Variants in ANGPT4 observed in about 807,000 individuals in gnomAD.
ANGPT4 encodes the protein angiopoietin-4.
A neutral mutation model predicts 53.0 loss-of-function variants in ANGPT4; 50 were observed. That is an observed-to-expected ratio of 0.94 (90% CI 0.75 to 1.20). ANGPT4 has a LOEUF of 1.20. Ranked by LOEUF, ANGPT4 falls within the 50% of genes most tolerant of loss-of-function variation. ANGPT4 has a pLI of 0.00. For missense variants in ANGPT4, 648 were observed against 637.1 expected (o/e 1.02, Z -0.18); for synonymous variants, 251 against 259.7 (o/e 0.97, Z 0.32).
At chr20:910,488 C>T (rs1982654153) in intron 1 of ANGPT4, among the ~76,000 whole-genome samples, 1 of 152,188 alleles carries the variant, frequency 6.6e-6, no homozygotes, top group Non-Finnish European at 1.5e-5. Flanking sequence ...CAACTTGGTC[C>T]TCCCCAGACC....
chr20:888,029 T>A (rs1280395219), intron 3 of ANGPT4, among the ~76,000 whole-genome samples: 1 of 151,994 alleles, frequency 6.6e-6, no homozygotes, highest in African/African-American at 2.4e-5. Flanking sequence ...CCGTATCCAC[T>A]CTCATTTCCA....
At chr20:903,704 G>A (rs1982371577) in intron 1 of ANGPT4, among the ~76,000 whole-genome samples, 1 of 152,228 alleles carries the variant, frequency 6.6e-6, no homozygotes, top group South Asian at 2.1e-4. Context: ...GGGATGGTGT[G>A]GGAATTGGGA....
At chr20:893,547 G>A (rs547528688) in intron 1 of ANGPT4, among the ~76,000 whole-genome samples, 4 of 152,246 alleles carry the variant, frequency 2.6e-5, no homozygotes, top group South Asian at 2.1e-4. Flanking sequence ...GGCTGAGATC[G>A]GTCTTTGGAC....
intron 2 of ANGPT4, among the ~76,000 whole-genome samples, chr20:888,825 A>T (rs992518410): frequency 6.6e-6 from 1 of 151,646 alleles, no homozygotes; most frequent in Admixed American, 6.6e-5. Flanking sequence ...TCTATTCTCT[A>T]CTCAGTAGCC....
chr20:885,636 G>C (rs1189478040), intron 3 of ANGPT4, among the ~76,000 whole-genome samples: 2 of 152,180 alleles, frequency 1.3e-5, no homozygotes, highest in African/African-American at 4.8e-5. Flanking sequence ...TTATCCTCTA[G>C]GGAGCATGGT....
At chr20:894,159 C>T (rs1025115780) in intron 1 of ANGPT4, among the ~76,000 whole-genome samples, 2 of 152,150 alleles carry the variant, frequency 1.3e-5, no homozygotes, top group Admixed American at 1.3e-4. Flanking sequence ...TATTTCTTTA[C>T]CTCCCATTTT....
intron 1 of ANGPT4, 81 bp downstream of exon 1, chr20:915,825 C>T (rs1032946045): frequency 1.3e-6 from 2 of 1,484,288 alleles, no homozygotes; most frequent in African/African-American, 2.8e-5. Flanking sequence ...GGGAAGGCCT[C>T]TTGGATGGAC....
In ANGPT4 at chr20:911,695, G is replaced by A. The variant is rs956900456; in HGVS notation, c.309+4211C>T. ...CTGACCACAGTGGCTCGTGTCCGCCGTCCCAGCTACTTGGAAGACTGAGGC... is the reference window on the plus strand; with the variant it reads ...CTGACCACAGTGGCTCGTGTCCGCCATCCCAGCTACTTGGAAGACTGAGGC... On this transcript the variant is annotated intron_variant, in intron 1 of 8. Coordinates refer to ENST00000381922, the MANE Select transcript of ANGPT4 (RefSeq NM_015985.4). This position sits in a 1 kb window ranked among gnomAD's most constrained non-coding sequence, Gnocchi z 4.9. Among the ~76,000 whole-genome samples, 2 of 152,086 alleles carry A rather than the reference G, an allele frequency of 1.3e-5. No homozygotes were observed. The highest frequency in any genetic ancestry group is 2.4e-5 in the African/African-American group (1 of 41,420).
rs1008352804 is a variant in ANGPT4, at chr20:872,867, G to C, written c.*93C>G. Reference sequence around the variant, plus strand: ...GGAAGCCCAGGGTGTCAGGGAAGGCGGTGGCACAGTGTCTTGCATCTGGGT... The same window carrying C: ...GGAAGCCCAGGGTGTCAGGGAAGGCCGTGGCACAGTGTCTTGCATCTGGGT... On this transcript the variant is annotated 3_prime_UTR_variant, in exon 9 of 9. Coordinates refer to ENST00000381922, the MANE Select transcript of ANGPT4 (RefSeq NM_015985.4). 1 of 1,507,878 alleles carries C rather than the reference G, an allele frequency of 6.6e-7. No individual in the cohort carries two copies. The highest frequency in any genetic ancestry group is 2.3e-5 in the East Asian group (1 of 44,042). The allele number at this position is 1,507,878 out of a possible 1,614,324, so 93.4% of individuals were successfully genotyped here. A position where few individuals can be genotyped will look rare whatever the true frequency, so the allele number is the denominator to read the frequency against.
chr20:890,104 G>T (rs1009059934), intron 2 of ANGPT4, 109 bp downstream of exon 2: 2 of 1,358,834 alleles, frequency 1.5e-6, no homozygotes, highest in Admixed American at 4.4e-5. Flanking sequence ...CAGGCCCAGA[G>T]GAGGCCTTGA....
At chr20:903,753 A>G (rs1027453215) in intron 1 of ANGPT4, among the ~76,000 whole-genome samples, 1 of 152,204 alleles carries the variant, frequency 6.6e-6, no homozygotes, top group Non-Finnish European at 1.5e-5. Flanking sequence ...CCAAAGCCCC[A>G]TGGCTGGGGT....
intron 7 of ANGPT4, among the ~76,000 whole-genome samples, chr20:877,263 G>T (rs1390956785): frequency 1.3e-5 from 2 of 152,212 alleles, no homozygotes; most frequent in Admixed American, 6.5e-5. Context: ...CAACTATGGA[G>T]GGAATCTATG....
rs1426784837 is a variant in ANGPT4 at position 908,883 on chromosome 20, C to T, written c.309+7023G>A. 5.3e-5 allele frequency among the ~76,000 whole-genome samples: 8 copies of T among 152,144 alleles called. No homozygotes were observed. The highest frequency in any genetic ancestry group is 5.2e-4 in the Admixed American group (8 of 15,272). ...TATGGCATGCTATGTATCTTGTTGC[C>T]TCTGGAGAGGAGAAACAGGGGTCTC... On this transcript the variant is annotated intron_variant, in intron 1 of 8. Transcript: ENST00000381922. This position sits in a 1 kb window ranked among gnomAD's most constrained non-coding sequence, Gnocchi z 4.9.
chr20:912,707 A>G (rs1982752475), intron 1 of ANGPT4, among the ~76,000 whole-genome samples: 1 of 151,914 alleles, frequency 6.6e-6, no homozygotes. Flanking sequence ...GAGAGAGAAG[A>G]GGTGAGGCCG....
At chr20:897,858 A>G (rs1568846944) in intron 1 of ANGPT4, among the ~76,000 whole-genome samples, 1 of 152,030 alleles carries the variant, frequency 6.6e-6, no homozygotes, top group African/African-American at 2.4e-5. Flanking sequence ...CTGAACTAAA[A>G]CCTAAATGCC....
intron 1 of ANGPT4, among the ~76,000 whole-genome samples, chr20:902,146 G>A (rs1214682154): frequency 2.6e-5 from 4 of 152,066 alleles, no homozygotes; most frequent in African/African-American, 9.7e-5. Context: ...TTTCAATAGG[G>A]TGATGGTGAT....
At chr20:906,035 G>C (rs1055916031) in intron 1 of ANGPT4, among the ~76,000 whole-genome samples, 4 of 152,184 alleles carry the variant, frequency 2.6e-5, no homozygotes, top group Non-Finnish European at 5.9e-5. Context: ...GCTTGTGGCA[G>C]CTAGCCTTCA....
rs752246655 is a variant in ANGPT4 at position 874,403 on chromosome 20, A to G, written c.1232T>C (p.Val411Ala). ...SENQLYRLSV[V>A]GYSGSAGRQS... is the part of the protein sequence containing the mutation. The stretch of plus-strand genomic sequence containing the variant: ...GCGCCCTGCTGAGCCGCTGTACCCG[A>G]CCACAGAAAGCCTGGAGGCCACCCA... Residue 411 changes from valine (V) to alanine (A), a missense_variant, in exon 8 of 9, where the codon GTC (valine) becomes GCC (alanine). Physicochemically the swap from Val to Ala is moderately conservative, Grantham distance 64. Coordinates refer to ENST00000381922, the MANE Select transcript of ANGPT4 (RefSeq NM_015985.4). 4.3e-6 allele frequency: 7 copies of G among 1,613,402 alleles called. No homozygotes were observed. Among genetic ancestry groups the G allele is most frequent in the Non-Finnish European group, 5.9e-6 (7 of 1,180,018 alleles).
chr20:888,434 C>T lies in ANGPT4; in HGVS notation c.471G>A (p.Leu157=). 6.2e-7 allele frequency: 1 copy of T among 1,611,870 alleles called. No individual in the cohort carries two copies. The highest frequency in any genetic ancestry group is 2.2e-5 in the East Asian group (1 of 44,792). ...GGGCATCCATTCTTGATGTCTGGTT[C>T]AGGAGCTGCCCCAGCAAGCAGAAGC... is the stretch of plus-strand genomic sequence containing the variant. ...RKLTDMEAQL[L]NQTSRMDAQM... Residue 157 remains leucine, a synonymous_variant, in exon 3 of 9, where the codon CTG becomes CTA. Transcript: ENST00000381922.
Sources: gnomAD v4.1 joint callset for allele counts (sites outside exome capture counted in the v4.1 genomes callset) on GRCh38, gnomAD v4.1.1 for gene constraint, Gnocchi (gnomAD v3.1) non-coding constraint, MANE v1.5 for transcripts, NCBI Gene and HGNC (gene_info 2026-07-23, HGNC 2026-07-21) for gene names.